The following C21orf91 variants were observed in gnomAD, a reference collection of about 807,000 sequenced individuals.
C21orf91 encodes chromosome 21 open reading frame 91.
A neutral mutation model predicts 32.9 loss-of-function variants in C21orf91; 26 were observed. The observed-to-expected ratio is 0.79, with a 90% CI of 0.58 to 1.10. The LOEUF (loss-of-function observed/expected upper bound fraction) is 1.10. Ranked by LOEUF, C21orf91 falls within the 50% of genes least tolerant of loss-of-function variation. C21orf91 has a pLI of 0.00. For missense variants in C21orf91, 310 were observed against 341.3 expected (o/e 0.91, Z 0.72); for synonymous variants, 126 against 120.4 (o/e 1.05, Z -0.31).
At chr21:17,801,279 T>TC (rs2062558035) in intron 2 of C21orf91, among the ~76,000 whole-genome samples, 1 of 151,960 alleles carries the variant, frequency 6.6e-6, no homozygotes, top group Admixed American at 6.6e-5. Context: ...CGTATGTTTT[T>TC]TTTTTTTTTT....
In C21orf91 at chr21:17,793,515, C is replaced by A; in HGVS notation, c.794G>T (p.Arg265Leu). Residue 265 changes from arginine (R) to leucine (L), a missense_variant, in exon 5 of 5, where the codon CGC becomes CTC. Transcript: ENST00000284881. ...CAGAAGCTGTTCGATGGCAACGTGGCGGACATGGAGCTGTGAGGCCAAAGA... is the reference window on the plus strand; with the variant it reads ...CAGAAGCTGTTCGATGGCAACGTGGAGGACATGGAGCTGTGAGGCCAAAGA... Reference protein sequence around the residue: ...KDSLASQLHVRHVAIEQLLKN... With the variant: ...KDSLASQLHVLHVAIEQLLKN... The A allele has an allele frequency of 6.2e-7, 1 of 1,613,472 alleles. No individual in the cohort carries two copies. The highest frequency in any genetic ancestry group is 8.5e-7 in the Non-Finnish European group (1 of 1,179,564).
At position 17,792,779 on chromosome 21, in the gene C21orf91, G is replaced by GTAT. The variant is rs1376660013; in HGVS notation, c.*633_*635dup. 1 of 152,436 alleles carries GTAT rather than the reference G, an allele frequency of 6.6e-6. No homozygotes were observed. The highest frequency in any genetic ancestry group is 1.5e-5 in the Non-Finnish European group (1 of 67,998). 9.4% of individuals were successfully genotyped at this position (152,436 alleles called of 1,614,324 possible). A position where few individuals can be genotyped will look rare whatever the true frequency, so the allele number is the denominator to read the frequency against. ...GTTATTAATTCTTCTTTTACAAGAG[G>GTAT]TATTAGAAATTAAAACAACTCAGAT... is the stretch of plus-strand genomic sequence containing the variant. On this transcript the variant is annotated 3_prime_UTR_variant, in exon 5 of 5. Coordinates refer to ENST00000284881, the MANE Select transcript of C21orf91 (RefSeq NM_001100420.2).
Position 17,790,142 on chromosome 21 carries a change from C to T in C21orf91, c.*3273G>A, listed in dbSNP as rs1222775706. On this transcript the variant is annotated 3_prime_UTR_variant, in exon 5 of 5. Coordinates refer to ENST00000284881, the MANE Select transcript of C21orf91 (RefSeq NM_001100420.2). ...ATGTACAAGTAACCCACTTTATGGT[C>T]ACTAACCTGAACCTCCTAATAAGCT... is the stretch of plus-strand genomic sequence containing the variant. The T allele has an allele frequency of 5.1e-4, 77 of 152,166 alleles. No homozygotes were observed. Among genetic ancestry groups the T allele is most frequent in the Admixed American group, 5.0e-3 (76 of 15,286 alleles). 9.4% of individuals were successfully genotyped at this position (152,166 alleles called of 1,614,324 possible).
intron 2 of C21orf91, among the ~76,000 whole-genome samples, chr21:17,803,828 T>C (rs1299742227): frequency 6.6e-6 from 1 of 152,154 alleles, no homozygotes; most frequent in Non-Finnish European, 1.5e-5. Flanking sequence ...AAAAGCCCTG[T>C]GGGTAGAAGT....
At chr21:17,803,278 T>C (rs1227189199) in intron 2 of C21orf91, among the ~76,000 whole-genome samples, 1 of 152,242 alleles carries the variant, frequency 6.6e-6, no homozygotes, top group Admixed American at 6.5e-5. Context: ...CCCAGCACTT[T>C]GGGAGGCCAA....
intron 2 of C21orf91, chr21:17,808,977 G>A (rs1406899770): frequency 6.6e-6 from 1 of 152,266 alleles, no homozygotes; most frequent in Non-Finnish European, 1.5e-5. Context: ...TTGTTTAAAA[G>A]TATGTAGCAC....
At chr21:17,814,221 T>C (rs1204618629) in intron 2 of C21orf91, among the ~76,000 whole-genome samples, 1 of 152,178 alleles carries the variant, frequency 6.6e-6, no homozygotes, top group Non-Finnish European at 1.5e-5. Flanking sequence ...CTGACCACCC[T>C]GGGCTGCCTT....
chr21:17,796,847 T>G lies in C21orf91; in HGVS notation c.399A>C (p.Pro133=). Residue 133 remains proline (P), a synonymous_variant, in exon 3 of 5, where the codon CCA becomes CCC. Coordinates refer to ENST00000284881, the MANE Select transcript of C21orf91 (RefSeq NM_001100420.2). The part of the protein sequence containing the change: ...FRHKPEEKLL[P]QFDSQVPKYS... ...ATTTTGGTACTTGGGAGTCAAACTG[T>G]GGGAGTAATTTTTCTTCTGGCTTAT... is the stretch of plus-strand genomic sequence containing the variant. The G allele has an allele frequency of 6.2e-7, 1 of 1,614,012 alleles. No homozygotes were observed.
chr21:17,819,142 G>C (rs931817678), intron 1 of C21orf91, 161 bp downstream of exon 1: 1 of 152,160 alleles, frequency 6.6e-6, no homozygotes, highest in Non-Finnish European at 1.5e-5. Flanking sequence ...CGCCCCCAGG[G>C]AGTCGCGGAC....
Position 17,789,826 on chromosome 21 carries a change from A to G in C21orf91, c.*3589T>C, listed in dbSNP as rs940840865. 6.6e-6 allele frequency: 1 copy of G among 152,098 alleles called. No homozygotes were observed. The highest frequency in any genetic ancestry group is 2.4e-5 in the African/African-American group (1 of 41,440). 9.4% of individuals were successfully genotyped at this position (152,098 alleles called of 1,614,324 possible). A position where few individuals can be genotyped will look rare whatever the true frequency, so the allele number is the denominator to read the frequency against. Reference sequence around the variant, plus strand: ...AAACTCTTCCCTGCCCCATGACCACAAAACTTTACTTGGTAAGAATAAACT... The same window carrying G: ...AAACTCTTCCCTGCCCCATGACCACGAAACTTTACTTGGTAAGAATAAACT... On this transcript the variant is annotated 3_prime_UTR_variant, in exon 5 of 5. Coordinates refer to ENST00000284881, the MANE Select transcript of C21orf91 (RefSeq NM_001100420.2).
At chr21:17,794,432 G>T (rs1334940954) in intron 4 of C21orf91, among the ~76,000 whole-genome samples, 5 of 152,186 alleles carry the variant, frequency 3.3e-5, no homozygotes, top group Admixed American at 2.6e-4. Context: ...ATCTCTTTTA[G>T]AGGAAATCCT....
intron 1 of C21orf91, 128 bp from the exon 2 acceptor site, chr21:17,818,453 C>T: frequency 1.4e-6 from 1 of 710,136 alleles, no homozygotes; most frequent in Non-Finnish European, 2.4e-6. Flanking sequence ...CTCCATCAAA[C>T]AAGCATCGCC....
At chr21:17,801,570 C>A (rs546643760) in intron 2 of C21orf91, among the ~76,000 whole-genome samples, 1 of 151,732 alleles carries the variant, frequency 6.6e-6, no homozygotes, top group South Asian at 2.1e-4. Context: ...GTGCCCGGCC[C>A]GTATGTTCTT....
intron 2 of C21orf91, among the ~76,000 whole-genome samples, chr21:17,806,967 A>C (rs1486332245): frequency 6.6e-6 from 1 of 152,206 alleles, no homozygotes; most frequent in African/African-American, 2.4e-5. Context: ...CTGAGAATTG[A>C]GATCTCCCAG....
chr21:17,796,643 CTCT>C lies in C21orf91; in HGVS notation c.600_602del (p.Glu201del), dbSNP rs771502455. 9.3e-6 allele frequency: 15 copies of C among 1,614,040 alleles called. No homozygotes were observed. The East Asian group carries it at 1.8e-4, about 19-fold the overall frequency. On this transcript the variant is annotated inframe_deletion, in exon 3 of 5. Transcript: ENST00000284881. ...CATTAGCCTCTGGACTAGAGATTGTCTCTTCTTTTTTCTGTGCCTGGTTGTGAC... is the reference window on the plus strand; with the variant it reads ...CATTAGCCTCTGGACTAGAGATTGTCTCTTTTTTCTGTGCCTGGTTGTGAC...
chr21:17,803,232 AT>A (rs2062574174), intron 2 of C21orf91, among the ~76,000 whole-genome samples: 2 of 152,310 alleles, frequency 1.3e-5, no homozygotes, highest in African/African-American at 4.8e-5. Context: ...GCTTCAAAAT[AT>A]TTTTTGGCCA....
intron 1 of C21orf91, chr21:17,819,098 C>T (rs958916921): frequency 3.9e-5 from 6 of 152,210 alleles, no homozygotes; most frequent in Non-Finnish European, 8.8e-5. Context: ...GGAGCCGGGT[C>T]CTGGCCCGGC....
intron 2 of C21orf91, among the ~76,000 whole-genome samples, chr21:17,801,707 TA>T (rs2062562836): frequency 6.9e-6 from 1 of 143,904 alleles, no homozygotes; most frequent in African/African-American, 2.6e-5. Flanking sequence ...GGTGGGGGGC[TA>T]GGGGAGGGAT....
chr21:17,812,576 G>A (rs1018751776), intron 2 of C21orf91, among the ~76,000 whole-genome samples: 10 of 152,168 alleles, frequency 6.6e-5, no homozygotes, highest in Admixed American at 3.3e-4. Context: ...TCGGGAGGCC[G>A]AGGTGGGTGC....
Sources: gnomAD v4.1 joint callset for allele counts (sites outside exome capture counted in the v4.1 genomes callset) on GRCh38, gnomAD v4.1.1 for gene constraint, MANE v1.5 for transcripts, NCBI Gene and HGNC (gene_info 2026-07-23, HGNC 2026-07-21) for gene names.